Variants in HERC5 observed in about 807,000 individuals in gnomAD.
HERC5 encodes the protein HECT and RLD domain containing E3 ubiquitin protein ligase 5.
HERC5 carries 99 observed loss-of-function variants against 119.6 expected under a neutral mutation model. That is an observed-to-expected ratio of 0.83 (90% CI 0.70 to 0.98). The LOEUF is 0.98. HERC5 is among the 50% of genes least tolerant of loss of function. The pLI is 0.00. For missense variants in HERC5, 1,267 were observed against 1,241.3 expected, an observed-to-expected ratio of 1.02 and a Z score of -0.31; for synonymous variants, 478 against 445.9, an observed-to-expected ratio of 1.07 and a Z score of -0.91.
At position 88,486,193 on chromosome 4, in the gene HERC5, G is replaced by T; in HGVS notation, c.1816G>T (p.Glu606Ter). 1 of 1,610,652 alleles carries T rather than the reference G, an allele frequency of 6.2e-7. No homozygotes were observed. Among genetic ancestry groups the T allele is most frequent in the Non-Finnish European group, 8.5e-7 (1 of 1,177,620 alleles). ...ELLHRLNFFV[E>*]VCRRYLWKMT... ...CTTGCACCGTCTCAATTTTTTTGTA[G>T]AAGTATGCAGAAGGTACTTGTGGAA... The change falls in exon 14 of 23, where the codon GAA becomes TAA. Residue 606 changes from glutamate (E) to a stop codon, truncating the protein, a stop_gained. Coordinates refer to ENST00000264350, the MANE Select transcript of HERC5 (RefSeq NM_016323.4). LOFTEE classifies it high-confidence loss of function.
At chr4:88,505,529 G>A (rs1054787228) in intron 22 of HERC5, 144 bp from the exon 23 acceptor site, 12 of 603,140 alleles carry the variant, frequency 2.0e-5, no homozygotes, top group Admixed American at 1.5e-4. Flanking sequence ...GACATTGTTC[G>A]AATACAATCC....
At chr4:88,481,490 A>T (rs189647647) in intron 13 of HERC5, among the ~76,000 whole-genome samples, 6 of 152,230 alleles carry the variant, frequency 3.9e-5, no homozygotes, top group Admixed American at 3.3e-4. Context: ...TGACAAACTC[A>T]CATTCTTAAT....
intron 6 of HERC5, among the ~76,000 whole-genome samples, chr4:88,465,984 G>GT (rs1560599743): frequency 6.6e-6 from 1 of 151,924 alleles, no homozygotes; most frequent in African/African-American, 2.4e-5. Context: ...GTTTTTTCTG[G>GT]TTTTTTTATT....
In HERC5 at chr4:88,472,415, T is replaced by C. The variant is rs1382408172; in HGVS notation, c.1305T>C (p.Thr435=). 6.4e-7 allele frequency: 1 copy of C among 1,569,966 alleles called. No homozygotes were observed. The highest frequency in any genetic ancestry group is 1.7e-5 in the Admixed American group (1 of 58,252). The change falls in exon 11 of 23, where the codon ACT becomes ACC. Residue 435 remains threonine (T), a synonymous_variant. Coordinates refer to ENST00000264350, the MANE Select transcript of HERC5 (RefSeq NM_016323.4). ...LTGSFLRKRR[T]TEMMPVYLDL... ...ATTTATCTTTCTTCTACAGAAGAAC[T>C]ACAGAAATGATGCCTGTTTATTTGG...
At chr4:88,497,176 G>C (rs1741823232) in intron 18 of HERC5, among the ~76,000 whole-genome samples, 1 of 152,214 alleles carries the variant, frequency 6.6e-6, no homozygotes, top group African/African-American at 2.4e-5. Context: ...CTACCAAGAA[G>C]TGTGGTGTTG....
intron 13 of HERC5, among the ~76,000 whole-genome samples, chr4:88,480,129 G>C (rs1266351937): frequency 6.6e-6 from 1 of 151,776 alleles, no homozygotes; most frequent in Non-Finnish European, 1.5e-5. Context: ...CCCCTCATGG[G>C]TTGCAACCCC....
intron 11 of HERC5, among the ~76,000 whole-genome samples, chr4:88,474,706 A>T (rs1560604061): frequency 1.3e-5 from 2 of 152,192 alleles, no homozygotes; most frequent in East Asian, 1.9e-4. Context: ...AGAAATTCCC[A>T]CTTAGCTGTG....
At position 88,460,111 on chromosome 4, in the gene HERC5, CA is replaced by C; in HGVS notation, c.408del (p.Glu137LysfsTer4). 6.4e-7 allele frequency: 1 copy of C among 1,573,972 alleles called. No homozygotes were observed. Among genetic ancestry groups the C allele is most frequent in the Non-Finnish European group, 8.7e-7 (1 of 1,147,492 alleles). ...CTTCATCAGGTTTGAAAGCATTTTA[CA>C]AGAAAAAAAAATAATTCAGATCACA... ...MKHLRFESIL[Q>X]EKKIIQITCG... On this transcript the variant is annotated frameshift_variant, in exon 3 of 23. Coordinates refer to ENST00000264350, the MANE Select transcript of HERC5 (RefSeq NM_016323.4). LOFTEE classifies it high-confidence loss of function.
Position 88,468,396 on chromosome 4 carries a change from A to G in HERC5, c.1108A>G (p.Ser370Gly), listed in dbSNP as rs768211170. 6.2e-7 allele frequency: 1 copy of G among 1,611,560 alleles called. No homozygotes were observed. The highest frequency in any genetic ancestry group is 8.5e-7 in the Non-Finnish European group (1 of 1,178,456). ...ELIMIAGGNQ[S>G]ILLWIKKENS... ...AATAATGATTGCTGGAGGGAATCAA[A>G]GCATTTTGCTCTGGATAAAGAAAGA... Residue 370 changes from serine to glycine, a missense_variant, in exon 8 of 23, where the codon AGC becomes GGC. Around this residue, in one of 3 missense-constraint regions of HERC5, gnomAD observed 777 missense variants for 758.0 expected, o/e 1.03. Transcript: ENST00000264350.
intron 18 of HERC5, among the ~76,000 whole-genome samples, chr4:88,499,550 A>G (rs1358929298): frequency 1.3e-5 from 2 of 152,226 alleles, no homozygotes; most frequent in African/African-American, 2.4e-5. Flanking sequence ...GAAATTTAAT[A>G]TGAGACCTAT....
intron 13 of HERC5, among the ~76,000 whole-genome samples, chr4:88,481,585 G>A (rs1448982845): frequency 2.6e-5 from 4 of 151,984 alleles, no homozygotes; most frequent in Admixed American, 1.3e-4. Context: ...CTCCCATAAA[G>A]GTTTTAAATT....
intron 15 of HERC5, among the ~76,000 whole-genome samples, chr4:88,487,649 AG>A (rs779713889): frequency 2.0e-5 from 3 of 152,206 alleles, no homozygotes; most frequent in Non-Finnish European, 4.4e-5. Flanking sequence ...GTGCCATAAA[AG>A]AGGTTTGTAC....
intron 20 of HERC5, among the ~76,000 whole-genome samples, chr4:88,501,533 T>C (rs1741947364): frequency 6.6e-6 from 1 of 152,184 alleles, no homozygotes; most frequent in Non-Finnish European, 1.5e-5. Context: ...AACCTTCCCT[T>C]GATAGTTGGT....
chr4:88,487,290 T>A, intron 15 of HERC5, 111 bp downstream of exon 15: 1 of 597,008 alleles, frequency 1.7e-6, no homozygotes. Flanking sequence ...AACCAATGGT[T>A]GTGGCATTCA....
At chr4:88,479,155 G>A (rs889244977) in intron 12 of HERC5, among the ~76,000 whole-genome samples, 198 bp from the exon 13 acceptor site, 18 of 152,014 alleles carry the variant, frequency 1.2e-4, no homozygotes, top group Non-Finnish European at 2.4e-4. Flanking sequence ...CATGGTGGTA[G>A]GCGCCTGTAA....
chr4:88,459,283 A>G (rs1740320815), intron 1 of HERC5, 64 bp from the exon 2 acceptor site: 1 of 1,296,112 alleles, frequency 7.7e-7, no homozygotes, highest in Non-Finnish European at 1.0e-6. Flanking sequence ...TATTATAATG[A>G]AGTTAGTAAT....
At chr4:88,474,160 A>G (rs771659218) in intron 11 of HERC5, among the ~76,000 whole-genome samples, 21 of 152,338 alleles carry the variant, frequency 1.4e-4, no homozygotes, top group Middle Eastern at 3.4e-3. Flanking sequence ...ACATACATGC[A>G]TACATCAGTG....
At chr4:88,500,558 C>G (rs1031419028) in intron 19 of HERC5, among the ~76,000 whole-genome samples, 1 of 152,312 alleles carries the variant, frequency 6.6e-6, no homozygotes, top group South Asian at 2.1e-4. Context: ...GCAAGTGTTG[C>G]AAAGCCACTA....
At chr4:88,465,285 A>G (rs1415806096) in intron 6 of HERC5, among the ~76,000 whole-genome samples, 1 of 152,168 alleles carries the variant, frequency 6.6e-6, no homozygotes, top group Non-Finnish European at 1.5e-5. Context: ...GGTAGGATTA[A>G]AAAATATTTT....
Sources: gnomAD v4.1 joint callset for allele counts (sites outside exome capture counted in the v4.1 genomes callset) on GRCh38, gnomAD v4.1.1 for gene constraint, gnomAD v4.1.1 regional missense constraint, MANE v1.5 for transcripts, NCBI Gene and HGNC (gene_info 2026-07-23, HGNC 2026-07-21) for gene names.